Variants in ADAM32 observed in about 807,000 individuals in gnomAD.
ADAM32 encodes the protein disintegrin and metalloproteinase domain-containing protein 32.
ADAM32 carries 89 observed loss-of-function variants against 114.9 expected under a neutral mutation model. The ratio of observed to expected loss-of-function variants is 0.77; its 90% confidence interval spans 0.65 to 0.92. The LOEUF (loss-of-function observed/expected upper bound fraction) is 0.92, where lower values mean the gene tolerates loss of function less well. ADAM32 is among the 40% of genes least tolerant of loss of function. The pLI, the probability that ADAM32 is intolerant of heterozygous loss-of-function variation, is 0.00. For missense variants in ADAM32, 870 were observed against 932.8 expected (o/e 0.93, Z 0.88); for synonymous variants, 285 against 307.5 (o/e 0.93, Z 0.77).
chr8:39,236,831 CAG>C (rs1322649283), intron 16 of ADAM32, among the ~76,000 whole-genome samples: 1 of 152,100 alleles, frequency 6.6e-6, no homozygotes, highest in Non-Finnish European at 1.5e-5. Flanking sequence ...GTGGAGGACA[CAG>C]GGAGAAAAAT....
chr8:39,130,956 C>CTTTTTTTT (rs71218310), intron 2 of ADAM32: 335 of 329,836 alleles, frequency 1.0e-3, no homozygotes, highest in Middle Eastern at 2.3e-3. Flanking sequence ...AGGAGGATGT[C>CTTTTTTTT]TTTTTTTTTT....
In ADAM32 at chr8:39,223,245, T is replaced by C; in HGVS notation, c.1525+7T>C. ...GAGAGTGTATTTGGAAAAGGTAATA[T>C]CTTTTTGTTACATCTCAATAGCCCT... On this transcript the variant is annotated splice_region_variant and intron_variant, in intron 14 of 24. Transcript: ENST00000379907. 5 of 1,555,522 alleles carry C rather than the reference T, an allele frequency of 3.2e-6. No individual in the cohort carries two copies. The highest frequency in any genetic ancestry group is 4.3e-6 in the Non-Finnish European group (5 of 1,151,766).
At chr8:39,204,400 C>T (rs1296282658) in intron 11 of ADAM32, among the ~76,000 whole-genome samples, 1 of 152,206 alleles carries the variant, frequency 6.6e-6, no homozygotes, top group Non-Finnish European at 1.5e-5. Flanking sequence ...ATCACTGATA[C>T]TCTTTCTTCC....
At chr8:39,272,283 C>T (rs1384224316) in intron 20 of ADAM32, among the ~76,000 whole-genome samples, 2 of 152,124 alleles carry the variant, frequency 1.3e-5, no homozygotes, top group African/African-American at 2.4e-5. Context: ...TTCATGACTT[C>T]TGTCACAATC....
At chr8:39,260,273 C>A (rs991510524) in intron 19 of ADAM32, among the ~76,000 whole-genome samples, 6 of 152,126 alleles carry the variant, frequency 3.9e-5, no homozygotes, top group African/African-American at 1.4e-4. Context: ...CATCTGAAAA[C>A]AGAGACAACT....
At chr8:39,136,546 A>G (rs759417761) in intron 2 of ADAM32, 111 bp from the exon 3 acceptor site, 1 of 641,348 alleles carries the variant, frequency 1.6e-6, no homozygotes, top group Non-Finnish European at 2.6e-6. Flanking sequence ...AGTCTGAGAA[A>G]TGTAATGAAG....
chr8:39,116,368 G>A (rs1375239535), intron 1 of ADAM32, among the ~76,000 whole-genome samples: 2 of 152,168 alleles, frequency 1.3e-5, no homozygotes, highest in African/African-American at 2.4e-5. Flanking sequence ...CTATCCATGA[G>A]TATGGAATGT....
chr8:39,151,102 A>G (rs1413967558), intron 5 of ADAM32, among the ~76,000 whole-genome samples: 1 of 152,220 alleles, frequency 6.6e-6, no homozygotes. Flanking sequence ...CTTGGAAAAC[A>G]ATAGAATTAC....
Position 39,198,687 on chromosome 8 carries a change from G to A in ADAM32, c.1052+11642G>A, listed in dbSNP as rs533246387. Among the ~76,000 whole-genome samples, 3 of 152,166 alleles carry A rather than the reference G, an allele frequency of 2.0e-5. No homozygotes were observed. The South Asian group carries it at 6.2e-4, about 32-fold the overall frequency. ...GCCATCATGCTCAGCCTTTCTTCCTGTTTTATTGTATACCTTTACATTAGA... is the reference window on the plus strand; with the variant it reads ...GCCATCATGCTCAGCCTTTCTTCCTATTTTATTGTATACCTTTACATTAGA... On this transcript the variant is annotated intron_variant, in intron 11 of 24. Transcript: ENST00000379907.
At chr8:39,138,697 G>A (rs55892966) in intron 3 of ADAM32, among the ~76,000 whole-genome samples, 35,032 of 152,062 alleles carry the variant, frequency 0.23, 4,702 homozygotes, top group Non-Finnish European at 0.29. Flanking sequence ...CAAGTAATGG[G>A]ATCGCTGGGT....
chr8:39,272,892 C>T (rs1204464834), intron 20 of ADAM32, among the ~76,000 whole-genome samples: 3 of 152,146 alleles, frequency 2.0e-5, no homozygotes, highest in African/African-American at 7.2e-5. Flanking sequence ...AAAACAAACA[C>T]ATTGTACAAA....
intron 10 of ADAM32, among the ~76,000 whole-genome samples, chr8:39,170,950 A>T (rs868000299): frequency 6.6e-6 from 1 of 151,928 alleles, no homozygotes; most frequent in Non-Finnish European, 1.5e-5. Context: ...ATATATATAT[A>T]TTTTGACAGA....
At chr8:39,236,032 C>T (rs1585610594) in intron 16 of ADAM32, among the ~76,000 whole-genome samples, 1 of 152,044 alleles carries the variant, frequency 6.6e-6, no homozygotes, top group African/African-American at 2.4e-5. Flanking sequence ...TTATTGTACT[C>T]GTGTAAAAAC....
chr8:39,278,735 A>G (rs1042317697), intron 22 of ADAM32, among the ~76,000 whole-genome samples: 1 of 151,804 alleles, frequency 6.6e-6, no homozygotes, highest in Non-Finnish European at 1.5e-5. Context: ...TGCTCTCACT[A>G]TTTATTGTTG....
intron 3 of ADAM32, among the ~76,000 whole-genome samples, chr8:39,146,870 G>A (rs1803538736): frequency 6.6e-6 from 1 of 152,106 alleles, no homozygotes; most frequent in South Asian, 2.1e-4. Context: ...GTTGACAGAC[G>A]TTTTCTCTAA....
At chr8:39,215,586 T>G (rs984068925) in intron 12 of ADAM32, among the ~76,000 whole-genome samples, 5 of 152,068 alleles carry the variant, frequency 3.3e-5, no homozygotes, top group Non-Finnish European at 7.4e-5. Flanking sequence ...ATGTTGTATT[T>G]CCATTATCAT....
intron 17 of ADAM32, among the ~76,000 whole-genome samples, chr8:39,250,079 T>C (rs1450735412): frequency 5.9e-5 from 9 of 152,100 alleles, no homozygotes; most frequent in Non-Finnish European, 1.3e-4. Flanking sequence ...GTCCTGATTT[T>C]TTTGTGGTAG....
intron 3 of ADAM32, among the ~76,000 whole-genome samples, chr8:39,140,668 A>G (rs1051646497): frequency 1.3e-5 from 2 of 152,196 alleles, no homozygotes; most frequent in African/African-American, 4.8e-5. Flanking sequence ...CTGGCCTCAT[A>G]AAATGAGTCA....
intron 1 of ADAM32, chr8:39,108,241 C>T (rs766084804): frequency 1.3e-5 from 2 of 159,298 alleles, no homozygotes; most frequent in African/African-American, 4.8e-5. Context: ...GCCAAGATCG[C>T]CCCCACTGGA....
Sources: allele counts gnomAD v4.1 joint callset (sites outside exome capture counted in the v4.1 genomes callset), GRCh38; gene constraint gnomAD v4.1.1; transcripts MANE v1.5; gene names NCBI Gene and HGNC (gene_info 2026-07-23, HGNC 2026-07-21).